Variants in UGT2B15 observed in about 807,000 individuals in gnomAD.
UGT2B15 encodes the protein UDP glucuronosyltransferase family 2 member B15.
In UGT2B15, 36 loss-of-function variants were observed where a neutral mutation model predicts 45.9. That is an observed-to-expected ratio of 0.78 (90% CI 0.60 to 1.04). The LOEUF is 1.04. Ranked by LOEUF, UGT2B15 falls within the 50% of genes least tolerant of loss-of-function variation. UGT2B15 has a pLI of 0.00. For missense variants in UGT2B15, 617 were observed against 622.4 expected (o/e 0.99, Z 0.09); for synonymous variants, 219 against 216.4 (o/e 1.01, Z -0.11).
intron 3 of UGT2B15, among the ~76,000 whole-genome samples, chr4:68,662,553 G>A (rs62298393): frequency 0.2 from 28,513 of 145,684 alleles, 2,392 homozygotes; most frequent in Non-Finnish European, 0.24. Flanking sequence ...TTGGTAAGAC[G>A]AAGCTGCATG....
rs773792967 is a variant in UGT2B15 at position 68,655,112 on chromosome 4, G to T, written c.1076C>A (p.Pro359His). 42 of 1,612,980 alleles carry T rather than the reference G, an allele frequency of 2.6e-5. No homozygotes were observed. The highest frequency in any genetic ancestry group is 3.6e-5 in the Non-Finnish European group (42 of 1,179,534). The change falls in exon 4 of 6, where the codon CCC (proline) becomes CAC (histidine). Residue 359 changes from proline to histidine, a missense_variant. Physicochemically the swap from Pro to His is moderately conservative, Grantham distance 77 (BLOSUM62 -2). This residue lies in a region of UGT2B15 where 265 missense variants were observed against 245.1 expected (regional missense o/e 1.08). Coordinates refer to ENST00000338206, the MANE Select transcript of UGT2B15 (RefSeq NM_001076.4). ...AATCTTACCAAGAAGGTCATTCTGG[G>T]GTAACCACTTGTACAGTCGAGTATT... ...GSNTRLYKWL[P>H]QNDLLGHPKT...
chr4:68,668,972 AC>A (rs1217080193), intron 1 of UGT2B15, among the ~76,000 whole-genome samples: 2 of 150,794 alleles, frequency 1.3e-5, no homozygotes, highest in Non-Finnish European at 3.0e-5. Flanking sequence ...AATTCATCTT[AC>A]CTTACCCATG....
chr4:68,670,300 A>G lies in UGT2B15; in HGVS notation c.319T>C (p.Trp107Arg). 1 of 1,614,120 alleles carries G rather than the reference A, an allele frequency of 6.2e-7. No individual in the cohort carries two copies. The highest frequency in any genetic ancestry group is 1.1e-5 in the South Asian group (1 of 91,072). ...TCTTGTAATTGTGAAAAATATGACCAAAATGTATTTTTTGAAACACCATAT... is the reference window on the plus strand; with the variant it reads ...TCTTGTAATTGTGAAAAATATGACCGAAATGTATTTTTTGAAACACCATAT... ...WIYGVSKNTFWSYFSQLQELC... is the reference protein window; with the variant it reads ...WIYGVSKNTFRSYFSQLQELC... Residue 107 changes from tryptophan (W) to arginine (R), a missense_variant, in exon 1 of 6, where the codon TGG becomes CGG. By Grantham distance (101) the Trp-to-Arg change is moderately radical. This residue lies in a region of UGT2B15 where 351 missense variants were observed against 342.1 expected (regional missense o/e 1.03). Transcript: ENST00000338206.
intron 3 of UGT2B15, among the ~76,000 whole-genome samples, chr4:68,658,648 T>G (rs1732877649): frequency 6.6e-6 from 1 of 152,074 alleles, no homozygotes; most frequent in East Asian, 1.9e-4. Context: ...TATCATAACT[T>G]CTAACCCTGT....
chr4:68,647,345 T>G lies in UGT2B15; in HGVS notation c.1352A>C (p.His451Pro). 1.2e-6 allele frequency: 2 copies of G among 1,613,674 alleles called. No homozygotes were observed. The highest frequency in any genetic ancestry group is 1.7e-6 in the Non-Finnish European group (2 of 1,179,700). Residue 451 changes from histidine (H) to proline (P), a missense_variant, in exon 6 of 6, where the codon CAT becomes CCT. Transcript: ENST00000338206. ...ATCCAGGGGCTTCATTGGTTGGTCA[T>G]GATGAATTCTTGATAATTTCATGAC... ...ENVMKLSRIH[H>P]DQPMKPLDRA...
chr4:68,649,343 A>G (rs1197653294), intron 5 of UGT2B15, among the ~76,000 whole-genome samples: 2 of 128,778 alleles, frequency 1.6e-5, no homozygotes, highest in Non-Finnish European at 3.1e-5. Context: ...CAATGGAGTG[A>G]TCTTGGCTGA....
chr4:68,665,432 G>GT (rs1733091032), intron 2 of UGT2B15, among the ~76,000 whole-genome samples: 1 of 151,916 alleles, frequency 6.6e-6, no homozygotes, highest in Admixed American at 6.6e-5. Context: ...CATTATGTAA[G>GT]TTTTTAACCA....
chr4:68,667,942 A>G (rs1452207283), intron 2 of UGT2B15, 98 bp downstream of exon 2: 3 of 1,533,088 alleles, frequency 2.0e-6, no homozygotes, highest in Middle Eastern at 3.5e-4. Context: ...TTGACCTCCC[A>G]TATTCCCCTC....
At chr4:68,669,780 C>A in intron 1 of UGT2B15, 115 bp downstream of exon 1, 1 of 1,386,600 alleles carries the variant, frequency 7.2e-7, no homozygotes. Context: ...CTTACATTTG[C>A]AATTCATAAT....
chr4:68,654,325 T>C, intron 4 of UGT2B15, 69 bp from the exon 5 acceptor site: 1 of 1,512,616 alleles, frequency 6.6e-7, no homozygotes, highest in African/African-American at 1.4e-5. Context: ...AAATGCACAA[T>C]ATAAGGAACT....
At chr4:68,657,521 A>C (rs1295986517) in intron 3 of UGT2B15, among the ~76,000 whole-genome samples, 1 of 152,088 alleles carries the variant, frequency 6.6e-6, no homozygotes, top group Non-Finnish European at 1.5e-5. Context: ...TTAGGAAAAA[A>C]AGTGGGAAAC....
At chr4:68,661,784 T>C (rs1230643796) in intron 3 of UGT2B15, among the ~76,000 whole-genome samples, 3 of 152,134 alleles carry the variant, frequency 2.0e-5, no homozygotes, top group African/African-American at 2.4e-5. Context: ...TTGCTACTTT[T>C]GTAAATGCTA....
chr4:68,647,200 C>T lies in UGT2B15; in HGVS notation c.1497G>A (p.Leu499=). 1 of 1,613,914 alleles carries T rather than the reference C, an allele frequency of 6.2e-7. No individual in the cohort carries two copies. The highest frequency in any genetic ancestry group is 8.5e-7 in the Non-Finnish European group (1 of 1,179,924). ...TAAATATCACAGTTGCCACGCAGGCCAGCAGGAATGCTATCACATCCAAAG... is the reference window on the plus strand; with the variant it reads ...TAAATATCACAGTTGCCACGCAGGCTAGCAGGAATGCTATCACATCCAAAG... The part of the protein sequence containing the change: ...YHSLDVIAFL[L]ACVATVIFII... The change falls in exon 6 of 6, where the codon CTG becomes CTA. Residue 499 remains leucine (L), a synonymous_variant. Coordinates refer to ENST00000338206, the MANE Select transcript of UGT2B15 (RefSeq NM_001076.4).
At position 68,646,879 on chromosome 4, in the gene UGT2B15, A is replaced by G; in HGVS notation, c.*225T>C. ...AACATTAGGTATATCTCCAAATGCT[A>G]TCCTTCCCCCCATTGTATTTTTCAT... On this transcript the variant is annotated 3_prime_UTR_variant, in exon 6 of 6. Coordinates refer to ENST00000338206, the MANE Select transcript of UGT2B15 (RefSeq NM_001076.4). The G allele has an allele frequency of 1.5e-6, 1 of 679,890 alleles. No individual in the cohort carries two copies. The highest frequency in any genetic ancestry group is 2.3e-6 in the Non-Finnish European group (1 of 430,444). The allele number at this position is 679,890 out of a possible 1,614,324, so 42.1% of individuals were successfully genotyped here.
intron 3 of UGT2B15, among the ~76,000 whole-genome samples, chr4:68,662,264 G>C (rs1732989378): frequency 6.6e-6 from 1 of 151,974 alleles, no homozygotes; most frequent in African/African-American, 2.4e-5. Flanking sequence ...TTAGAGCATA[G>C]TCTTTGTTGG....
intron 5 of UGT2B15, among the ~76,000 whole-genome samples, chr4:68,649,926 G>A (rs1449767821): frequency 2.6e-5 from 4 of 151,258 alleles, no homozygotes; most frequent in Admixed American, 1.3e-4. Context: ...TCCGTCTCCC[G>A]GGTTCAAGTG....
At chr4:68,654,473 G>T (rs1240426547) in intron 4 of UGT2B15, among the ~76,000 whole-genome samples, 1 of 146,836 alleles carries the variant, frequency 6.8e-6, no homozygotes, top group African/African-American at 2.5e-5. Context: ...GCAAAAAAAA[G>T]AATAAGATTG....
rs1333184065 is a variant in UGT2B15, at chr4:68,649,254, G to A, written c.1314-1871C>T. Reference sequence around the variant, plus strand: ...TATGGCCCAGCATATGGTAAATTCAGGTAACTATTTCATATAATCTTTTTT... The same window carrying A: ...TATGGCCCAGCATATGGTAAATTCAAGTAACTATTTCATATAATCTTTTTT... On this transcript the variant is annotated intron_variant, in intron 5 of 5. Transcript: ENST00000338206. Among the ~76,000 whole-genome samples the A allele has an allele frequency of 2.1e-5, 3 of 146,058 alleles. No individual in the cohort carries two copies. In the East Asian group the frequency reaches 6.0e-4, roughly 29 times the overall value.
intron 3 of UGT2B15, among the ~76,000 whole-genome samples, chr4:68,657,611 G>A (rs1732846121): frequency 6.6e-6 from 1 of 152,008 alleles, no homozygotes; most frequent in African/African-American, 2.4e-5. Flanking sequence ...CCTCTACTTG[G>A]CAGAGTTTAT....
Sources: gnomAD v4.1 joint callset for allele counts (sites outside exome capture counted in the v4.1 genomes callset) on GRCh38, gnomAD v4.1.1 for gene constraint, gnomAD v4.1.1 regional missense constraint, MANE v1.5 for transcripts, NCBI Gene and HGNC (gene_info 2026-07-23, HGNC 2026-07-21) for gene names.